CNOT1: variants seen among roughly 807,000 people sequenced by gnomAD.
CNOT1 encodes CCR4-NOT transcription complex subunit 1.
A neutral mutation model predicts 273.8 loss-of-function variants in CNOT1; 15 were observed. The ratio of observed to expected loss-of-function variants is 0.05; its 90% confidence interval spans 0.04 to 0.08. The LOEUF is 0.08. Among genes scored for constraint, CNOT1 ranks in the 10% least tolerant of loss-of-function variants. The pLI is 1.00. For missense variants in CNOT1, 1,644 were observed against 2,912.2 expected, an observed-to-expected ratio of 0.56 and a Z score of 10.02; for synonymous variants, 1,022 against 1,005.5, an observed-to-expected ratio of 1.02 and a Z score of -0.31.
At chr16:58,590,745 G>T (rs996703022) in intron 2 of CNOT1, among the ~76,000 whole-genome samples, 1 of 152,246 alleles carries the variant, frequency 6.6e-6, no homozygotes, top group East Asian at 1.9e-4. Context: ...CACCTTGTGG[G>T]GACAAAGCAG....
At chr16:58,608,800 T>G (rs2042783897) in intron 1 of CNOT1, among the ~76,000 whole-genome samples, 1 of 152,126 alleles carries the variant, frequency 6.6e-6, no homozygotes, top group Non-Finnish European at 1.5e-5. Flanking sequence ...AGGAATGAAT[T>G]AATGGCATTC....
chr16:58,535,337 C>T (rs539594840), intron 39 of CNOT1, among the ~76,000 whole-genome samples: 1 of 152,332 alleles, frequency 6.6e-6, no homozygotes, highest in East Asian at 1.9e-4. Context: ...TTTGTCTACA[C>T]TGGTATCTGT....
intron 22 of CNOT1, 78 bp downstream of exon 22, chr16:58,553,704 T>C: frequency 6.7e-7 from 1 of 1,499,284 alleles, no homozygotes; most frequent in African/African-American, 1.4e-5. Context: ...TACTATCAAG[T>C]CTACAAAAAA....
intron 8 of CNOT1, among the ~76,000 whole-genome samples, chr16:58,583,890 C>T (rs1181638750): frequency 6.6e-6 from 1 of 150,638 alleles, no homozygotes; most frequent in Non-Finnish European, 1.5e-5. Context: ...GTGTAAGAGC[C>T]GGGTGTGGTG....
intron 16 of CNOT1, among the ~76,000 whole-genome samples, chr16:58,564,834 G>C (rs1164948185): frequency 4.6e-5 from 7 of 152,130 alleles, no homozygotes; most frequent in African/African-American, 1.7e-4. Flanking sequence ...TACTCGGGAG[G>C]CTGAGGCAGG....
intron 16 of CNOT1, among the ~76,000 whole-genome samples, chr16:58,568,885 CA>C (rs2041161410): frequency 1.3e-5 from 2 of 151,758 alleles, no homozygotes; most frequent in Non-Finnish European, 1.5e-5. Context: ...AGTCACTAAA[CA>C]AAAAAAGGGC....
intron 39 of CNOT1, 52 bp downstream of exon 39, chr16:58,536,937 T>G (rs756820241): frequency 1.3e-6 from 2 of 1,596,042 alleles, no homozygotes; most frequent in Admixed American, 3.4e-5. Context: ...ATTGGAGGCA[T>G]CACACCCTAC....
At chr16:58,537,767 T>C in intron 38 of CNOT1, 124 bp downstream of exon 38, 2 of 1,292,976 alleles carry the variant, frequency 1.5e-6, no homozygotes, top group Non-Finnish European at 2.1e-6. Context: ...TTACCAAAGC[T>C]ACCCACCCAT....
chr16:58,603,138 G>C (rs1455589053), intron 1 of CNOT1, among the ~76,000 whole-genome samples: 1 of 152,094 alleles, frequency 6.6e-6, no homozygotes, highest in African/African-American at 2.4e-5. Flanking sequence ...CTCTCACCTG[G>C]ATTACTATGC....
At chr16:58,534,908 A>T (rs1370746623) in intron 39 of CNOT1, among the ~76,000 whole-genome samples, 3 of 152,268 alleles carry the variant, frequency 2.0e-5, no homozygotes, top group African/African-American at 7.2e-5. Flanking sequence ...ACAACAGGTA[A>T]GTACCAAATG....
At chr16:58,615,235 C>T (rs1549605) in intron 1 of CNOT1, among the ~76,000 whole-genome samples, 73,919 of 122,752 alleles carry the variant, frequency 0.6, 30,018 homozygotes, top group African/African-American at 0.79. Context: ...TGGGAAGCTA[C>T]TTTGATTGGT....
rs191221876 is a variant in CNOT1, at chr16:58,608,289, C to T, written c.-174-8778G>A. 2.6e-5 allele frequency among the ~76,000 whole-genome samples: 4 copies of T among 152,166 alleles called. No individual in the cohort carries two copies. In the East Asian group the frequency reaches 7.7e-4, roughly 29 times the overall value. Reference sequence around the variant, plus strand: ...AGTGAAACCAGGCCAGGCACAGTGGCTCACAACGTAATCCCAGTACTATGG... The same window carrying T: ...AGTGAAACCAGGCCAGGCACAGTGGTTCACAACGTAATCCCAGTACTATGG... On this transcript the variant is annotated intron_variant, in intron 1 of 48. Coordinates refer to ENST00000317147, the MANE Select transcript of CNOT1 (RefSeq NM_016284.5).
At position 58,534,132 on chromosome 16, in the gene CNOT1, G is replaced by C. The variant is rs571527039; in HGVS notation, c.5895+15C>G. 2 of 1,611,420 alleles carry C rather than the reference G, an allele frequency of 1.2e-6. No individual in the cohort carries two copies. The highest frequency in any genetic ancestry group is 2.2e-5 in the East Asian group (1 of 44,826). On this transcript the variant is annotated intron_variant, in intron 40 of 48. Coordinates refer to ENST00000317147, the MANE Select transcript of CNOT1 (RefSeq NM_016284.5). ...CTGATGTAGACCAAGACTAAGGCAA[G>C]AAAGGATTTCAGACCTTGTTCAGCA...
At chr16:58,580,951 T>C (rs572742471) in intron 11 of CNOT1, among the ~76,000 whole-genome samples, 191 bp from the exon 12 acceptor site, 23 of 152,322 alleles carry the variant, frequency 1.5e-4, no homozygotes, top group African/African-American at 4.8e-4. Context: ...AAACCCTGTC[T>C]GGATTATCAA....
chr16:58,565,454 A>G, intron 16 of CNOT1, among the ~76,000 whole-genome samples: 1 of 152,160 alleles, frequency 6.6e-6, no homozygotes, highest in South Asian at 2.1e-4. Context: ...ATTTTCCTAC[A>G]TAGCCATGTA....
At chr16:58,574,940 T>G in intron 15 of CNOT1, 67 bp downstream of exon 15, 1 of 1,585,368 alleles carries the variant, frequency 6.3e-7, no homozygotes, top group Non-Finnish European at 8.6e-7. Flanking sequence ...ATTTTAAAAG[T>G]TGTACTTGAT....
At chr16:58,535,397 A>T (rs538980784) in intron 39 of CNOT1, among the ~76,000 whole-genome samples, 2 of 152,348 alleles carry the variant, frequency 1.3e-5, no homozygotes, top group East Asian at 3.9e-4. Context: ...ATGGTCAAGG[A>T]GGAGCGCAAG....
At chr16:58,620,053 AAAG>A (rs1170859406) in intron 1 of CNOT1, among the ~76,000 whole-genome samples, 18 of 152,316 alleles carry the variant, frequency 1.2e-4, no homozygotes, top group Non-Finnish European at 2.5e-4. Context: ...AGTATGAAAA[AAAG>A]AAAAACCAGA....
At chr16:58,546,641 T>C (rs932441749) in intron 28 of CNOT1, 31 bp downstream of exon 28, 1 of 1,613,576 alleles carries the variant, frequency 6.2e-7, no homozygotes, top group African/African-American at 1.3e-5. Context: ...AGGCAAAGAA[T>C]GTTCCAGAGG....
Sources: allele counts gnomAD v4.1 joint callset (sites outside exome capture counted in the v4.1 genomes callset), GRCh38; gene constraint gnomAD v4.1.1; transcripts MANE v1.5; gene names NCBI Gene and HGNC (gene_info 2026-07-23, HGNC 2026-07-21).